IFT43: variants seen among roughly 807,000 people sequenced by gnomAD.
The protein encoded by IFT43 is intraflagellar transport protein 43 homolog.
IFT43 carries 33 observed loss-of-function variants against 32.3 expected under a neutral mutation model. The observed-to-expected ratio is 1.02, with a 90% CI of 0.77 to 1.37. IFT43 has a LOEUF of 1.37. Ranked by LOEUF, IFT43 falls within the 40% of genes most tolerant of loss-of-function variation. IFT43 has a pLI of 0.00. For synonymous variants in IFT43, 93 were observed against 98.2 expected (o/e 0.95, Z 0.31); for missense variants, 274 against 265.9 (o/e 1.03, Z -0.21).
At chr14:75,995,422 C>T (rs1159013143) in intron 2 of IFT43, among the ~76,000 whole-genome samples, 1 of 152,134 alleles carries the variant, frequency 6.6e-6, no homozygotes, top group Non-Finnish European at 1.5e-5. Context: ...CACAGCTGTT[C>T]CCTTTCTCTC....
At chr14:76,024,201 C>T (rs144050799) in intron 3 of IFT43, among the ~76,000 whole-genome samples, 3 of 152,358 alleles carry the variant, frequency 2.0e-5, no homozygotes, top group Non-Finnish European at 2.9e-5. Context: ...GTGAGATCTT[C>T]GGCCATCCAG....
rs560712874 is a variant in IFT43, at chr14:76,044,845, C to T, written c.216-13797C>T. Among the ~76,000 whole-genome samples the T allele has an allele frequency of 2.0e-5, 3 of 152,340 alleles. No homozygotes were observed. In the East Asian group the frequency reaches 5.8e-4, roughly 29 times the overall value. ...ACCACCCCTGAGACAGCAAGGCCAA[C>T]CGCTCCTCTTCCTCCTCCTCCTGAT... On this transcript the variant is annotated intron_variant, in intron 3 of 8. Transcript: ENST00000314067.
chr14:76,032,729 G>A (rs907506315), intron 3 of IFT43, among the ~76,000 whole-genome samples: 1 of 152,200 alleles, frequency 6.6e-6, no homozygotes, highest in Non-Finnish European at 1.5e-5. Context: ...TTTACTTTCG[G>A]TGTGGAAGGT....
chr14:76,043,294 A>G (rs566786364), intron 3 of IFT43, among the ~76,000 whole-genome samples: 1 of 152,340 alleles, frequency 6.6e-6, no homozygotes, highest in African/African-American at 2.4e-5. Flanking sequence ...TGAATGAACC[A>G]CCACAGGGTT....
chr14:76,037,756 A>G (rs991682493), intron 3 of IFT43, among the ~76,000 whole-genome samples: 12 of 150,274 alleles, frequency 8.0e-5, no homozygotes, highest in Non-Finnish European at 1.6e-4. Context: ...TTGCATTACT[A>G]TTAATAGTAA....
intron 3 of IFT43, among the ~76,000 whole-genome samples, chr14:76,043,389 C>T (rs538299406): frequency 6.6e-6 from 1 of 151,982 alleles, no homozygotes; most frequent in African/African-American, 2.4e-5. Context: ...GGGCCTGGAA[C>T]TCCAGGCAGG....
chr14:75,988,886 G>A lies in IFT43; in HGVS notation c.56G>A (p.Arg19Lys), dbSNP rs1594797766. The change falls in exon 2 of 9, where the codon AGG (arginine) becomes AAG (lysine). Residue 19 changes from arginine to lysine, a missense_variant and splice_region_variant. By Grantham distance (26) the Arg-to-Lys change is conservative. Transcript: ENST00000314067. ...EELRYSLATS[R>K]AKMGRRAQQE... Reference sequence around the variant, plus strand: ...AGTGCCTTCTGTTTCTCCTTACAGAGGGCCAAGATGGGTCGCCGAGCTCAA... The same window carrying A: ...AGTGCCTTCTGTTTCTCCTTACAGAAGGCCAAGATGGGTCGCCGAGCTCAA... 1 of 1,613,904 alleles carries A rather than the reference G, an allele frequency of 6.2e-7. No individual in the cohort carries two copies. Among genetic ancestry groups the A allele is most frequent in the Middle Eastern group, 1.6e-4 (1 of 6,062 alleles).
intron 5 of IFT43, among the ~76,000 whole-genome samples, chr14:76,067,622 T>C (rs189833698): frequency 5.3e-5 from 8 of 151,574 alleles, no homozygotes; most frequent in African/African-American, 1.9e-4. Flanking sequence ...ATTAAGTGTG[T>C]TTTCAGAATG....
chr14:76,083,389 G>A lies in IFT43; in HGVS notation c.508-69G>A, dbSNP rs775403060. ...GTGCCTCCCTGAGGCCTGGATGGGAGGGAGAAGTCAGCTACAGTTGAGGGA... is the reference window on the plus strand; with the variant it reads ...GTGCCTCCCTGAGGCCTGGATGGGAAGGAGAAGTCAGCTACAGTTGAGGGA... On this transcript the variant is annotated intron_variant, in intron 8 of 8. Coordinates refer to ENST00000314067, the MANE Select transcript of IFT43 (RefSeq NM_001102564.3). 1,018 of 1,613,996 alleles carry A rather than the reference G, an allele frequency of 6.3e-4. 1 individual carries two copies. Among genetic ancestry groups the A allele is most frequent in the Middle Eastern group, 1.8e-3 (11 of 5,978 alleles).
chr14:76,022,613 C>T (rs2036315096), intron 3 of IFT43: 1 of 396,450 alleles, frequency 2.5e-6, no homozygotes, highest in Non-Finnish European at 4.6e-6. Context: ...CATCACCTCC[C>T]CACCAAAAGA....
chr14:76,058,720 T>C (rs1440357509), intron 4 of IFT43, 46 bp downstream of exon 4: 8 of 1,610,094 alleles, frequency 5.0e-6, no homozygotes, highest in Non-Finnish European at 6.8e-6. Flanking sequence ...ATGTTGATCT[T>C]GGTCAACAGT....
chr14:76,060,206 T>C (rs2037103482), intron 5 of IFT43, among the ~76,000 whole-genome samples: 2 of 152,012 alleles, frequency 1.3e-5, no homozygotes, highest in South Asian at 4.2e-4. Flanking sequence ...ATCCAAATTA[T>C]TATTGTTATT....
chr14:76,034,405 A>G (rs1204344528), intron 3 of IFT43, among the ~76,000 whole-genome samples: 3 of 152,046 alleles, frequency 2.0e-5, no homozygotes, highest in African/African-American at 7.2e-5. Context: ...TGAAAGTCCC[A>G]CCTCCAACCA....
At chr14:75,993,553 C>G (rs925809965) in intron 2 of IFT43, among the ~76,000 whole-genome samples, 1 of 152,208 alleles carries the variant, frequency 6.6e-6, no homozygotes, top group Non-Finnish European at 1.5e-5. Context: ...AAGTGGCCTC[C>G]TCTATCTATC....
chr14:76,003,204 C>T (rs565649182), intron 2 of IFT43, among the ~76,000 whole-genome samples: 36 of 151,934 alleles, frequency 2.4e-4, no homozygotes, highest in Non-Finnish European at 4.9e-4. Flanking sequence ...TGTGTTTAGC[C>T]GATTGCTTTT....
chr14:76,082,665 C>A lies in IFT43; in HGVS notation c.417C>A (p.Leu139=). ...CCTACCGTGACCTGGACAATGACCT[C>A]ATGAAGTACTCAGCCATTCAGACAC... is the stretch of plus-strand genomic sequence containing the variant. ...VMTYRDLDND[L]MKYSAIQTLD... Residue 139 remains leucine (L), a synonymous_variant, in exon 7 of 9, where the codon CTC becomes CTA. Transcript: ENST00000314067. 6.2e-7 allele frequency: 1 copy of A among 1,613,470 alleles called. No homozygotes were observed. The highest frequency in any genetic ancestry group is 8.5e-7 in the Non-Finnish European group (1 of 1,179,424).
intron 3 of IFT43, among the ~76,000 whole-genome samples, chr14:76,048,797 GTTC>G (rs1199359032): frequency 6.6e-6 from 1 of 152,134 alleles, no homozygotes; most frequent in East Asian, 1.9e-4. Context: ...GGTGCCCTTG[GTTC>G]TTATTTACCA....
At chr14:76,027,493 A>T (rs1410220752) in intron 3 of IFT43, among the ~76,000 whole-genome samples, 5 of 152,092 alleles carry the variant, frequency 3.3e-5, no homozygotes, top group Admixed American at 1.3e-4. Context: ...GTGGATCACG[A>T]GGTCAGGAGA....
At chr14:76,011,757 T>C (rs1026380282) in intron 2 of IFT43, among the ~76,000 whole-genome samples, 1 of 152,188 alleles carries the variant, frequency 6.6e-6, no homozygotes, top group Non-Finnish European at 1.5e-5. Flanking sequence ...TTACCTTCCA[T>C]GACCTTAAAT....
Sources: allele counts gnomAD v4.1 joint callset (sites outside exome capture counted in the v4.1 genomes callset), GRCh38; gene constraint gnomAD v4.1.1; transcripts MANE v1.5; gene names NCBI Gene and HGNC (gene_info 2026-07-23, HGNC 2026-07-21).